COL21A1: variants seen among roughly 807,000 people sequenced by gnomAD.
COL21A1 encodes collagen type XXI alpha 1 chain, also known as collagen alpha-1(XXI) chain.
Under a neutral mutation model 137.9 loss-of-function variants are expected in COL21A1, and 149 were observed. The observed-to-expected ratio is 1.08, with a 90% CI of 0.95 to 1.24. The LOEUF is 1.24. Among genes scored for constraint, COL21A1 ranks in the 50% most tolerant of loss-of-function variants. COL21A1 has a pLI of 0.00. For synonymous variants in COL21A1, 456 were observed against 391.5 expected, an observed-to-expected ratio of 1.16 and a Z score of -1.95; for missense variants, 1,167 against 1,158.4, an observed-to-expected ratio of 1.01 and a Z score of -0.11.
intron 1 of COL21A1, among the ~76,000 whole-genome samples, chr6:56,348,100 C>T (rs902167458): frequency 1.3e-5 from 2 of 152,136 alleles, no homozygotes; most frequent in Non-Finnish European, 2.9e-5. Context: ...AGAGAGGGCC[C>T]TCTTCATTCA....
At chr6:56,324,847 A>C (rs1241678029) in intron 1 of COL21A1, among the ~76,000 whole-genome samples, 8 of 151,960 alleles carry the variant, frequency 5.3e-5, no homozygotes, top group African/African-American at 1.9e-4. Flanking sequence ...CATCTATCTT[A>C]AAGCGGGTCA....
At chr6:56,197,371 A>G (rs561988790) in intron 1 of COL21A1, among the ~76,000 whole-genome samples, 2 of 152,296 alleles carry the variant, frequency 1.3e-5, no homozygotes, top group African/African-American at 4.8e-5. Context: ...GACTACATCA[A>G]ACTAATAAGT....
chr6:56,142,018 TTCA>T (rs1328259412), intron 10 of COL21A1, 35 bp from the exon 11 acceptor site: 1 of 1,393,744 alleles, frequency 7.2e-7, no homozygotes, highest in Non-Finnish European at 9.8e-7. Context: ...AAAATAATAT[TTCA>T]TCATATTTAC....
In COL21A1 at chr6:56,391,648, T is replaced by C. The variant is rs547967078; in HGVS notation, c.-39+2323A>G. ...AAATTCAAGGATTATTAGAGACCAT[T>C]ATGAGCAACCACATGCCAATAAGTT... On this transcript the variant is annotated intron_variant, in intron 1 of 28. Coordinates refer to the COL21A1 transcript ENST00000370819. Among the ~76,000 whole-genome samples the C allele has an allele frequency of 1.9e-3, 284 of 152,216 alleles. 2 individuals are homozygous for C. Among genetic ancestry groups the C allele is most frequent in the African/African-American group, 6.6e-3 (274 of 41,558 alleles).
upstream of COL21A1, among the ~76,000 whole-genome samples, chr6:56,247,968 G>C (rs1782743129): frequency 6.6e-6 from 1 of 152,228 alleles, no homozygotes; most frequent in Non-Finnish European, 1.5e-5. Context: ...GCCAAGGTAC[G>C]TTGCAGCGGA....
At chr6:56,301,627 A>C (rs983326145) in intron 1 of COL21A1, among the ~76,000 whole-genome samples, 13 of 152,222 alleles carry the variant, frequency 8.5e-5, no homozygotes, top group African/African-American at 3.1e-4. Flanking sequence ...AATATGACAG[A>C]GATTACCACT....
chr6:56,067,796 G>A (rs971540794), intron 22 of COL21A1, among the ~76,000 whole-genome samples: 2 of 151,572 alleles, frequency 1.3e-5, no homozygotes, highest in Non-Finnish European at 3.0e-5. Context: ...TGAGCTTTTG[G>A]AAGAAAAATT....
At chr6:56,263,101 G>A (rs1473636567) in intron 1 of COL21A1, among the ~76,000 whole-genome samples, 2 of 152,182 alleles carry the variant, frequency 1.3e-5, no homozygotes. Flanking sequence ...CTGCAAGAAT[G>A]CAGACTCCAC....
intron 1 of COL21A1, among the ~76,000 whole-genome samples, chr6:56,345,455 G>A (rs1356198376): frequency 6.6e-6 from 1 of 152,086 alleles, no homozygotes; most frequent in South Asian, 2.1e-4. Context: ...AAGAAACAAA[G>A]GTTCTGAAAA....
intron 9 of COL21A1, among the ~76,000 whole-genome samples, chr6:56,162,969 C>G (rs938250034): frequency 6.6e-6 from 1 of 152,118 alleles, no homozygotes; most frequent in Non-Finnish European, 1.5e-5. Context: ...GTATGGCATT[C>G]AAATTTAAAG....
intron 12 of COL21A1, among the ~76,000 whole-genome samples, chr6:56,140,238 T>C (rs1158643529): frequency 6.6e-6 from 1 of 152,222 alleles, no homozygotes; most frequent in African/African-American, 2.4e-5. Flanking sequence ...CTTTAAAGCA[T>C]GTAATAAAAT....
intron 1 of COL21A1, among the ~76,000 whole-genome samples, chr6:56,318,892 C>A (rs933338588): frequency 6.6e-6 from 1 of 150,828 alleles, no homozygotes; most frequent in African/African-American, 2.4e-5. Context: ...TACCTATTGT[C>A]CAAAATTCCT....
intron 1 of COL21A1, among the ~76,000 whole-genome samples, chr6:56,320,610 G>A (rs550853260): frequency 4.0e-5 from 6 of 151,640 alleles, no homozygotes; most frequent in Admixed American, 1.3e-4. Flanking sequence ...CAGCCTTCTT[G>A]CTAATTCTCC....
intron 1 of COL21A1, among the ~76,000 whole-genome samples, chr6:56,234,313 T>G (rs984115157): frequency 1.3e-5 from 2 of 151,790 alleles, no homozygotes; most frequent in African/African-American, 4.8e-5. Flanking sequence ...AGGTAAATAC[T>G]AATAAAAGAA....
At chr6:56,092,997 T>C (rs1307469567) in intron 17 of COL21A1, among the ~76,000 whole-genome samples, 1 of 152,064 alleles carries the variant, frequency 6.6e-6, no homozygotes, top group Non-Finnish European at 1.5e-5. Flanking sequence ...GCCACCATGG[T>C]CTCATTACTC....
intron 1 of COL21A1, among the ~76,000 whole-genome samples, chr6:56,260,709 CAGGCAGGA>C (rs1763246556): frequency 7.7e-6 from 1 of 130,302 alleles, no homozygotes; most frequent in African/African-American, 2.9e-5. Flanking sequence ...GGCAGGCAGG[CAGGCAGGA>C]AGGGAGGCAG....
At position 56,182,577 on chromosome 6, in the gene COL21A1, C is replaced by T; in HGVS notation, c.42G>A (p.Leu14=). 6.2e-7 allele frequency: 1 copy of T among 1,605,986 alleles called. No homozygotes were observed. The highest frequency in any genetic ancestry group is 8.5e-7 in the Non-Finnish European group (1 of 1,175,416). The change falls in exon 2 of 30, where the codon CTG becomes CTA. Residue 14 remains leucine, a synonymous_variant. Coordinates refer to ENST00000244728, the MANE Select transcript of COL21A1 (RefSeq NM_030820.4). ...CAGCTAACACAGAATTCTGAAGAAG[C>T]AGCACCAAAACCATGCAGAGAAATG... ...YITFLCMVLV[L]LLQNSVLAED...
At chr6:56,278,554 T>C (rs1192372701) in intron 1 of COL21A1, among the ~76,000 whole-genome samples, 1 of 152,230 alleles carries the variant, frequency 6.6e-6, no homozygotes, top group Non-Finnish European at 1.5e-5. Context: ...CCATTCCCTT[T>C]TTTCCTTTCC....
intron 16 of COL21A1, among the ~76,000 whole-genome samples, chr6:56,105,073 G>T (rs1166100076): frequency 6.6e-6 from 1 of 152,158 alleles, no homozygotes; most frequent in Admixed American, 6.6e-5. Context: ...TATTAAAGAT[G>T]TAAGACTGAG....
Sources: gnomAD v4.1 joint callset for allele counts (sites outside exome capture counted in the v4.1 genomes callset) on GRCh38, gnomAD v4.1.1 for gene constraint, MANE v1.5 for transcripts, NCBI Gene and HGNC (gene_info 2026-07-23, HGNC 2026-07-21) for gene names.